TLK1: variants seen among roughly 807,000 people sequenced by gnomAD.
TLK1 encodes the protein tousled like kinase 1, also known as serine/threonine-protein kinase tousled-like 1.
A neutral mutation model predicts 105.3 loss-of-function variants in TLK1; 24 were observed. That is an observed-to-expected ratio of 0.23 (90% CI 0.17 to 0.32). TLK1 has a LOEUF of 0.32. Ranked by LOEUF, TLK1 falls within the 10% of genes least tolerant of loss-of-function variation. The pLI, the probability that TLK1 is intolerant of heterozygous loss-of-function variation, is 1.00. For synonymous variants in TLK1, 321 were observed against 310.4 expected, an observed-to-expected ratio of 1.03 and a Z score of -0.36; for missense variants, 558 against 910.5, an observed-to-expected ratio of 0.61 and a Z score of 4.98.
chr2:171,050,206 A>T (rs1558908956), intron 8 of TLK1, 32 bp from the exon 9 acceptor site: 6 of 1,460,220 alleles, frequency 4.1e-6, no homozygotes, highest in Non-Finnish European at 1.9e-6. Context: ...CAAGAGGTCT[A>T]GACTGGGGAA....
At chr2:171,050,209 C>CCTG in intron 8 of TLK1, 35 bp from the exon 9 acceptor site, 1 of 1,444,476 alleles carries the variant, frequency 6.9e-7, no homozygotes, top group Non-Finnish European at 9.5e-7. Flanking sequence ...GAGGTCTAGA[C>CCTG]TGGGGAATAT....
At chr2:170,997,315 T>C (rs1290707974) in intron 19 of TLK1, among the ~76,000 whole-genome samples, 1 of 152,030 alleles carries the variant, frequency 6.6e-6, no homozygotes, top group Non-Finnish European at 1.5e-5. Flanking sequence ...AAGACTAAGT[T>C]TGATGGTATT....
chr2:171,170,956 C>T lies in TLK1; in HGVS notation c.-5-53099G>A, dbSNP rs147596530. On this transcript the variant is annotated intron_variant, in intron 1 of 20. Transcript: ENST00000521943. The stretch of plus-strand genomic sequence containing the variant: ...AATGAGGCTGGGTCAAATGGATATC[C>T]AGAGGGGAAAATACGTACTTTGACC... 2.3e-3 allele frequency among the ~76,000 whole-genome samples: 344 copies of T among 152,136 alleles called. 3 individuals carry two copies. The highest frequency in any genetic ancestry group is 8.1e-3 in the African/African-American group (335 of 41,502).
At chr2:171,130,400 G>GCA (rs1691054710) in intron 1 of TLK1, among the ~76,000 whole-genome samples, 1 of 145,370 alleles carries the variant, frequency 6.9e-6, no homozygotes, top group Admixed American at 6.9e-5. Flanking sequence ...ACTCTATCTC[G>GCA]GGGAAAAAAA....
intron 4 of TLK1, among the ~76,000 whole-genome samples, chr2:171,059,634 T>C (rs1252367719): frequency 6.6e-6 from 1 of 152,182 alleles, no homozygotes. Flanking sequence ...AATGGACATA[T>C]GACCAATCTA....
In TLK1 at chr2:170,996,745, G is replaced by T; in HGVS notation, c.2032C>A (p.Gln678Lys). 1.2e-6 allele frequency: 2 copies of T among 1,606,932 alleles called. No individual in the cohort carries two copies. The highest frequency in any genetic ancestry group is 1.1e-5 in the South Asian group (1 of 88,990). ...TCTTGAAGAATGTCTTGTTGAGATTGATTGTGACCAAATGGCTTAAAAAAA... is the reference window on the plus strand; with the variant it reads ...TCTTGAAGAATGTCTTGTTGAGATTTATTGTGACCAAATGGCTTAAAAAAA... Reference protein sequence around the residue: ...LYGRKPFGHNQSQQDILQENT... With the variant: ...LYGRKPFGHNKSQQDILQENT... The change falls in exon 20 of 21, where the codon CAA (glutamine) becomes AAA (lysine). Residue 678 changes from glutamine to lysine, a missense_variant. Around this residue, in one of 5 missense-constraint regions of TLK1, gnomAD observed 218 missense variants for 492.9 expected, o/e 0.44. Transcript: ENST00000431350.
Position 170,991,517 on chromosome 2 carries a change from C to T in TLK1, c.*2263G>A, listed in dbSNP as rs747293701. 7 of 152,192 alleles carry T rather than the reference C, an allele frequency of 4.6e-5. No homozygotes were observed. In the East Asian group the frequency reaches 1.2e-3, roughly 25 times the overall value. 9.4% of individuals were successfully genotyped at this position (152,192 alleles called of 1,614,324 possible). ...TATGGGTCTATAAGTTGATTCATCT[C>T]CTACACATCTTTGATTTTAAAATGA... On this transcript the variant is annotated 3_prime_UTR_variant, in exon 21 of 21. Transcript: ENST00000431350.
chr2:171,047,115 T>A (rs1686998978), intron 10 of TLK1, among the ~76,000 whole-genome samples: 1 of 152,140 alleles, frequency 6.6e-6, no homozygotes, highest in Admixed American at 6.5e-5. Flanking sequence ...ATAAAATCAA[T>A]GCTTCCCATT....
chr2:171,204,501 G>T (rs917316499), intron 1 of TLK1, among the ~76,000 whole-genome samples: 1 of 151,362 alleles, frequency 6.6e-6, no homozygotes, highest in Non-Finnish European at 1.5e-5. Context: ...GGACAAAAGA[G>T]CCAGCTTAAA....
intron 1 of TLK1, among the ~76,000 whole-genome samples, chr2:171,211,427 T>C (rs1693610391): frequency 6.6e-6 from 1 of 152,226 alleles, no homozygotes; most frequent in Admixed American, 6.5e-5. Flanking sequence ...ACTTATTTAA[T>C]ACACCAGAAA....
intron 11 of TLK1, among the ~76,000 whole-genome samples, chr2:171,034,431 A>G (rs914194157): frequency 6.6e-6 from 1 of 152,266 alleles, no homozygotes; most frequent in African/African-American, 2.4e-5. Flanking sequence ...GTACTGATAC[A>G]TGCTACAACA....
intron 1 of TLK1, among the ~76,000 whole-genome samples, chr2:171,209,479 AG>A (rs1359383765): frequency 6.6e-6 from 1 of 152,230 alleles, no homozygotes; most frequent in Non-Finnish European, 1.5e-5. Flanking sequence ...TAAGAAAAGC[AG>A]GTTATAAGAA....
intron 1 of TLK1, among the ~76,000 whole-genome samples, chr2:171,184,471 C>T (rs1246178456): frequency 2.0e-5 from 3 of 151,820 alleles, no homozygotes; most frequent in Non-Finnish European, 2.9e-5. Context: ...GGAGAAACCC[C>T]GTCTCCACTA....
In TLK1 at chr2:170,991,897, G is replaced by A. The variant is rs1387976988; in HGVS notation, c.*1883C>T. ...AATGCTAAGATTTCATTACCATGTAGTATTTTTTTTTTAATAGGATTTCTC... is the reference window on the plus strand; with the variant it reads ...AATGCTAAGATTTCATTACCATGTAATATTTTTTTTTTAATAGGATTTCTC... On this transcript the variant is annotated 3_prime_UTR_variant, in exon 21 of 21. Transcript: ENST00000431350. 9.5e-6 allele frequency: 1 copy of A among 105,584 alleles called. No homozygotes were observed. The highest frequency in any genetic ancestry group is 2.6e-5 in the African/African-American group (1 of 38,964). The allele number at this position is 105,584 out of a possible 1,614,324, so 6.5% of individuals were successfully genotyped here.
At chr2:171,001,795 A>C (rs537689490) in intron 18 of TLK1, among the ~76,000 whole-genome samples, 14 of 152,122 alleles carry the variant, frequency 9.2e-5, no homozygotes, top group South Asian at 4.2e-4. Context: ...TTCATTCATG[A>C]ATGAATGAGA....
intron 1 of TLK1, among the ~76,000 whole-genome samples, chr2:171,227,084 T>TTGTG (rs1693910803): frequency 6.6e-6 from 1 of 152,188 alleles, no homozygotes; most frequent in South Asian, 2.1e-4. Flanking sequence ...GACTGTTTGT[T>TTGTG]TAATGCCTCT....
intron 13 of TLK1, among the ~76,000 whole-genome samples, chr2:171,013,198 A>G (rs1187879355): frequency 1.3e-5 from 2 of 151,432 alleles, no homozygotes; most frequent in African/African-American, 2.4e-5. Context: ...TTTTTAGTAG[A>G]GATGGGGTTT....
At chr2:171,041,523 C>A (rs1021122803) in intron 11 of TLK1, among the ~76,000 whole-genome samples, 1 of 152,214 alleles carries the variant, frequency 6.6e-6, no homozygotes, top group East Asian at 1.9e-4. Flanking sequence ...TGAACTCCAT[C>A]CACCTCCTGT....
intron 1 of TLK1, among the ~76,000 whole-genome samples, chr2:171,208,414 TG>T (rs1242205743): frequency 1.3e-5 from 2 of 152,186 alleles, no homozygotes; most frequent in Non-Finnish European, 2.9e-5. Flanking sequence ...TCAAGGAAAC[TG>T]ATTTTCTGAG....
Sources: gnomAD v4.1 joint callset for allele counts (sites outside exome capture counted in the v4.1 genomes callset) on GRCh38, gnomAD v4.1.1 for gene constraint, gnomAD v4.1.1 regional missense constraint, MANE v1.5 for transcripts, NCBI Gene and HGNC (gene_info 2026-07-23, HGNC 2026-07-21) for gene names.